Variants in HVCN1 observed in about 807,000 individuals in gnomAD.
HVCN1 encodes the protein hydrogen voltage gated channel 1.
In HVCN1, 14 loss-of-function variants were observed where a neutral mutation model predicts 29.2. The observed-to-expected ratio is 0.48, with a 90% CI of 0.32 to 0.75. HVCN1 has a LOEUF of 0.75. Among genes scored for constraint, HVCN1 ranks in the 30% least tolerant of loss-of-function variants. The pLI is 0.04. For synonymous variants in HVCN1, 131 were observed against 133.2 expected, an observed-to-expected ratio of 0.98 and a Z score of 0.11; for missense variants, 263 against 341.8, an observed-to-expected ratio of 0.77 and a Z score of 1.82.
At chr12:110,668,775 C>T (rs1276597616) in intron 3 of HVCN1, among the ~76,000 whole-genome samples, 2 of 152,200 alleles carry the variant, frequency 1.3e-5, no homozygotes, top group Admixed American at 1.3e-4. Flanking sequence ...TACCCTGATG[C>T]TCCTCTGCGG....
At chr12:110,654,581 C>T (rs1423099273) in intron 5 of HVCN1, among the ~76,000 whole-genome samples, 4 of 150,242 alleles carry the variant, frequency 2.7e-5, no homozygotes, top group Admixed American at 2.0e-4. Context: ...GGGGTTCAAG[C>T]GATTCTCCTG....
At chr12:110,651,066 G>T (rs879352359) in intron 6 of HVCN1, 151 bp downstream of exon 6, 2 of 622,132 alleles carry the variant, frequency 3.2e-6, no homozygotes, top group East Asian at 5.5e-5. Flanking sequence ...AGAGGAAGAA[G>T]GGAGGAGAGG....
At chr12:110,678,386 C>T (rs1227756717) in intron 3 of HVCN1, among the ~76,000 whole-genome samples, 1 of 149,738 alleles carries the variant, frequency 6.7e-6, no homozygotes, top group East Asian at 2.0e-4. Context: ...CATTCCATAA[C>T]TAGCACTGAA....
In HVCN1 at chr12:110,649,594, T is replaced by G. The variant is rs933388881; in HGVS notation, c.757-119A>C. 31 of 751,882 alleles carry G rather than the reference T, an allele frequency of 4.1e-5. No individual in the cohort carries two copies. The South Asian group carries it at 4.8e-4, about 12-fold the overall frequency. The allele number at this position is 751,882 out of a possible 1,614,324, so 46.6% of individuals were successfully genotyped here. ...AGAGATGAATGAAAGCTACGCTGTT[T>G]GTGGCATTCAGTCTGCTGAGGAGAC... On this transcript the variant is annotated intron_variant, in intron 7 of 7. Coordinates refer to ENST00000242607, the MANE Select transcript of HVCN1 (RefSeq NM_032369.4).
rs149228288 is a variant in HVCN1, at chr12:110,679,030, C to T, written c.21+4195G>A. On this transcript the variant is annotated intron_variant, in intron 3 of 7. Coordinates refer to ENST00000242607, the MANE Select transcript of HVCN1 (RefSeq NM_032369.4). ...TGTGTGACTAGGTCACCTGAGCCAA[C>T]ATCTACTGATGCTTTGGCCATGGAA... Among the ~76,000 whole-genome samples, 1,074 of 152,356 alleles carry T rather than the reference C, an allele frequency of 7.0e-3. 1 individual carries two copies. The highest frequency in any genetic ancestry group is 9.3e-3 in the Non-Finnish European group (636 of 68,028).
intron 3 of HVCN1, among the ~76,000 whole-genome samples, chr12:110,669,659 C>T (rs932255089): frequency 6.6e-6 from 1 of 152,118 alleles, no homozygotes; most frequent in Non-Finnish European, 1.5e-5. Flanking sequence ...TTGGGGTGTA[C>T]GTCACACTGT....
At chr12:110,701,334 C>T (rs1236952125) in intron 2 of HVCN1, among the ~76,000 whole-genome samples, 1 of 152,088 alleles carries the variant, frequency 6.6e-6, no homozygotes, top group African/African-American at 2.4e-5. Flanking sequence ...TTTCCAAGTG[C>T]AGGCCACAAA....
intron 2 of HVCN1, among the ~76,000 whole-genome samples, chr12:110,684,431 C>T (rs1183512319): frequency 6.6e-6 from 1 of 152,168 alleles, no homozygotes; most frequent in African/African-American, 2.4e-5. Flanking sequence ...TCTGAACACC[C>T]ACCACCAGCT....
chr12:110,672,993 T>G (rs2068634972), intron 3 of HVCN1, among the ~76,000 whole-genome samples: 1 of 152,160 alleles, frequency 6.6e-6, no homozygotes, highest in Admixed American at 6.5e-5. Flanking sequence ...AGTGGGACAT[T>G]GCTGAAAAGA....
At chr12:110,679,453 T>C (rs1005181976) in intron 3 of HVCN1, among the ~76,000 whole-genome samples, 2 of 152,170 alleles carry the variant, frequency 1.3e-5, no homozygotes, top group Admixed American at 1.3e-4. Flanking sequence ...TCCCATGTCT[T>C]AAATGCAGGC....
chr12:110,656,530 C>T (rs756387597), intron 4 of HVCN1, among the ~76,000 whole-genome samples: 8 of 152,126 alleles, frequency 5.3e-5, no homozygotes, highest in Non-Finnish European at 1.2e-4. Context: ...CCCAAAGGAC[C>T]TCGAGTGACC....
intron 3 of HVCN1, among the ~76,000 whole-genome samples, chr12:110,672,202 T>C (rs1042184183): frequency 2.0e-5 from 3 of 152,198 alleles, no homozygotes; most frequent in Non-Finnish European, 4.4e-5. Flanking sequence ...CGCAAACTCC[T>C]GGGCTCAAGC....
Position 110,661,468 on chromosome 12 carries a change from A to G in HVCN1, c.22-20T>C. The stretch of plus-strand genomic sequence containing the variant: ...GACTGCCTAGAAGGCGGGGACAGAG[A>G]GCAAGAGCTTCAGGCAGTTGGCCAC... On this transcript the variant is annotated intron_variant, in intron 3 of 7. Coordinates refer to ENST00000242607, the MANE Select transcript of HVCN1 (RefSeq NM_032369.4). The surrounding 1 kb of genome is among the most constrained non-coding windows in gnomAD (Gnocchi z 6.2). The G allele has an allele frequency of 6.2e-7, 1 of 1,609,868 alleles. No homozygotes were observed. Among genetic ancestry groups the G allele is most frequent in the East Asian group, 2.2e-5 (1 of 44,848 alleles).
chr12:110,688,407 T>A (rs2069281414), intron 2 of HVCN1: 2 of 152,314 alleles, frequency 1.3e-5, no homozygotes, highest in Admixed American at 1.3e-4. Flanking sequence ...TCACTCTTGT[T>A]CCTCAGCATC....
chr12:110,701,916 C>A (rs117899928), intron 2 of HVCN1, among the ~76,000 whole-genome samples: 21 of 151,022 alleles, frequency 1.4e-4, no homozygotes, highest in African/African-American at 4.4e-4. Flanking sequence ...ACAACAACAA[C>A]AAAACACACA....
chr12:110,665,300 G>A (rs2068306523), intron 3 of HVCN1, among the ~76,000 whole-genome samples: 1 of 152,204 alleles, frequency 6.6e-6, no homozygotes, highest in African/African-American at 2.4e-5. Flanking sequence ...GCTCATGCCT[G>A]TAATCCCAGC....
intron 3 of HVCN1, among the ~76,000 whole-genome samples, chr12:110,669,312 C>T (rs921070669): frequency 1.3e-5 from 2 of 152,116 alleles, no homozygotes; most frequent in African/African-American, 2.4e-5. Context: ...CCTGCCCTGA[C>T]CCTCCCTCCA....
chr12:110,685,440 T>A (rs1438122703), intron 2 of HVCN1, among the ~76,000 whole-genome samples: 5 of 152,048 alleles, frequency 3.3e-5, no homozygotes, highest in Non-Finnish European at 7.3e-5. Flanking sequence ...ATAATAAATG[T>A]GTGTTATCTT....
chr12:110,665,132 CAATACTTT>C (rs1276532310), intron 3 of HVCN1, among the ~76,000 whole-genome samples: 2 of 152,142 alleles, frequency 1.3e-5, no homozygotes, highest in African/African-American at 4.8e-5. Context: ...GAACAAAACT[CAATACTTT>C]ATTAGGAAGA....
Sources: gnomAD v4.1 joint callset for allele counts (sites outside exome capture counted in the v4.1 genomes callset) on GRCh38, gnomAD v4.1.1 for gene constraint, Gnocchi (gnomAD v3.1) non-coding constraint, MANE v1.5 for transcripts, NCBI Gene and HGNC (gene_info 2026-07-23, HGNC 2026-07-21) for gene names.